The following LRRTM4 variants were observed in gnomAD, a reference collection of about 807,000 sequenced individuals.
LRRTM4 encodes the protein leucine-rich repeat transmembrane neuronal protein 4.
A neutral mutation model predicts 47.6 loss-of-function variants in LRRTM4; 25 were observed. The observed-to-expected ratio is 0.53, with a 90% CI of 0.38 to 0.73. LRRTM4 has a LOEUF of 0.73. Ranked by LOEUF, LRRTM4 falls within the 30% of genes least tolerant of loss-of-function variation. LRRTM4 has a pLI of 0.00. For missense variants in LRRTM4, 638 were observed against 713.4 expected, an observed-to-expected ratio of 0.89 and a Z score of 1.20; for synonymous variants, 311 against 269.5, an observed-to-expected ratio of 1.15 and a Z score of -1.51.
chr2:77,109,034 T>C (rs1671177268), intron 3 of LRRTM4, among the ~76,000 whole-genome samples: 1 of 152,168 alleles, frequency 6.6e-6, no homozygotes, highest in Non-Finnish European at 1.5e-5. Context: ...AAAGAGATAT[T>C]ATATTAAGCC....
intron 3 of LRRTM4, among the ~76,000 whole-genome samples, chr2:76,899,346 CACACACAT>C (rs1425290478): frequency 6.5e-5 from 8 of 123,352 alleles, no homozygotes; most frequent in African/African-American, 2.6e-4. Context: ...CACACACACA[CACACACAT>C]ATATATATAT....
At chr2:76,755,496 C>T (rs577207096) in intron 3 of LRRTM4, among the ~76,000 whole-genome samples, 6 of 152,174 alleles carry the variant, frequency 3.9e-5, no homozygotes, top group Admixed American at 3.9e-4. Flanking sequence ...CAAACCAAAA[C>T]TCTTAGAAAC....
At chr2:77,512,269 A>T (rs10185975) in intron 3 of LRRTM4, among the ~76,000 whole-genome samples, 82,106 of 151,942 alleles carry the variant, frequency 0.54, 22,570 homozygotes, top group Middle Eastern at 0.6. Flanking sequence ...ACGTTTATTT[A>T]AAAAGCCAAT....
intron 3 of LRRTM4, among the ~76,000 whole-genome samples, chr2:76,948,400 GA>G (rs1675392832): frequency 6.6e-6 from 1 of 151,768 alleles, no homozygotes; most frequent in Non-Finnish European, 1.5e-5. Flanking sequence ...TTCTTTCATT[GA>G]AATGTGTTGG....
intron 3 of LRRTM4, among the ~76,000 whole-genome samples, chr2:77,140,819 A>G (rs1672099577): frequency 1.3e-5 from 2 of 152,204 alleles, no homozygotes; most frequent in Admixed American, 6.5e-5. Context: ...AAGGATATGA[A>G]CAGATACTTC....
Position 77,075,720 on chromosome 2 carries a change from CCT to C in LRRTM4, c.1552-326806_1552-326805del, listed in dbSNP as rs1558565223. ...CACGAGGTCAGGAGATCGAGACCATCCTGGCTAACAAGGTGAAACCCCGTCTC... is the reference window on the plus strand; with the variant it reads ...CACGAGGTCAGGAGATCGAGACCATCGGCTAACAAGGTGAAACCCCGTCTC... On this transcript the variant is annotated intron_variant, in intron 3 of 3. Transcript: ENST00000409884. Among the ~76,000 whole-genome samples, 182 of 151,002 alleles carry C rather than the reference CCT, an allele frequency of 1.2e-3. 1 individual carries two copies. Among genetic ancestry groups the C allele is most frequent in the African/African-American group, 4.2e-3 (173 of 40,950 alleles).
intron 3 of LRRTM4, among the ~76,000 whole-genome samples, chr2:76,821,333 C>T (rs912505541): frequency 1.3e-5 from 2 of 151,652 alleles, no homozygotes; most frequent in Non-Finnish European, 1.5e-5. Context: ...ATATGTCTGG[C>T]TCCCTTCAAT....
At chr2:76,878,627 G>A (rs956133059) in intron 3 of LRRTM4, among the ~76,000 whole-genome samples, 2 of 152,088 alleles carry the variant, frequency 1.3e-5, no homozygotes, top group African/African-American at 4.8e-5. Context: ...CCAGCACTTT[G>A]GTAGTCCCAG....
intron 3 of LRRTM4, among the ~76,000 whole-genome samples, chr2:76,778,726 A>G (rs948061290): frequency 6.6e-6 from 1 of 150,440 alleles, no homozygotes; most frequent in Non-Finnish European, 1.5e-5. Flanking sequence ...TGGATTCATT[A>G]ATTTTTTGAA....
intron 3 of LRRTM4, among the ~76,000 whole-genome samples, chr2:76,906,158 C>A (rs1275642176): frequency 2.0e-5 from 3 of 152,198 alleles, no homozygotes; most frequent in Non-Finnish European, 4.4e-5. Flanking sequence ...TCAGCAGAAA[C>A]TCTACAAGTC....
intron 3 of LRRTM4, among the ~76,000 whole-genome samples, chr2:77,152,784 T>C (rs1672464368): frequency 6.6e-6 from 1 of 152,176 alleles, no homozygotes; most frequent in African/African-American, 2.4e-5. Context: ...TTTTCTTCTA[T>C]TTAACCCCCA....
intron 3 of LRRTM4, among the ~76,000 whole-genome samples, chr2:77,038,082 ACTT>A (rs1209062728): frequency 2.0e-5 from 3 of 151,540 alleles, no homozygotes; most frequent in Non-Finnish European, 3.0e-5. Flanking sequence ...TCTTTTGTAG[ACTT>A]CTTTTCTTCC....
chr2:77,339,626 A>G (rs991717181), intron 3 of LRRTM4, among the ~76,000 whole-genome samples: 1 of 152,090 alleles, frequency 6.6e-6, no homozygotes, highest in African/African-American at 2.4e-5. Context: ...GCTAATTACT[A>G]TAATTTCCAG....
At chr2:77,090,654 A>T (rs1670586242) in intron 3 of LRRTM4, among the ~76,000 whole-genome samples, 1 of 152,140 alleles carries the variant, frequency 6.6e-6, no homozygotes, top group East Asian at 1.9e-4. Flanking sequence ...GCTTGCTACA[A>T]GTGCCAGAAA....
intron 3 of LRRTM4, among the ~76,000 whole-genome samples, chr2:76,885,623 G>A (rs1339832726): frequency 1.3e-5 from 2 of 151,820 alleles, no homozygotes; most frequent in East Asian, 3.9e-4. Context: ...CCGCCACCAC[G>A]TCCGGCTAAT....
chr2:77,206,761 G>C (rs1337021859), intron 3 of LRRTM4, among the ~76,000 whole-genome samples: 1 of 152,128 alleles, frequency 6.6e-6, no homozygotes, highest in African/African-American at 2.4e-5. Flanking sequence ...TGGGACTACA[G>C]GTGTGAGCCA....
chr2:76,833,250 T>A (rs1573184014), intron 3 of LRRTM4, among the ~76,000 whole-genome samples: 1 of 152,244 alleles, frequency 6.6e-6, no homozygotes, highest in East Asian at 1.9e-4. Flanking sequence ...AAGCTCCTAT[T>A]TTCCTTTAAA....
intron 3 of LRRTM4, among the ~76,000 whole-genome samples, chr2:76,895,842 T>C (rs934692466): frequency 2.0e-5 from 3 of 152,086 alleles, no homozygotes; most frequent in Non-Finnish European, 4.4e-5. Flanking sequence ...CCCCGATTAC[T>C]TACCTTGACA....
chr2:77,221,797 T>G (rs1674642693), intron 3 of LRRTM4, among the ~76,000 whole-genome samples: 2 of 152,002 alleles, frequency 1.3e-5, no homozygotes, highest in Non-Finnish European at 2.9e-5. Context: ...GACAGATCAA[T>G]GAGACAGAAA....
Sources: allele counts gnomAD v4.1 joint callset (sites outside exome capture counted in the v4.1 genomes callset), GRCh38; gene constraint gnomAD v4.1.1; transcripts MANE v1.5; gene names NCBI Gene and HGNC (gene_info 2026-07-23, HGNC 2026-07-21).